Variants in BAZ1B observed in about 807,000 individuals in gnomAD.
BAZ1B encodes bromodomain adjacent to zinc finger domain 1B.
In BAZ1B, 22 loss-of-function variants were observed where a neutral mutation model predicts 153.8. The observed-to-expected ratio is 0.14, with a 90% confidence interval of 0.10 to 0.20. BAZ1B has a LOEUF of 0.20. Ranked by LOEUF, BAZ1B falls within the 10% of genes least tolerant of loss-of-function variation. The pLI is 1.00. For missense variants in BAZ1B, 1,325 were observed against 1,799.3 expected, an observed-to-expected ratio of 0.74 and a Z score of 4.77; for synonymous variants, 676 against 633.4, an observed-to-expected ratio of 1.07 and a Z score of -1.01.
intron 1 of BAZ1B, among the ~76,000 whole-genome samples, chr7:73,518,524 C>T (rs1401024903): frequency 1.3e-5 from 2 of 152,110 alleles, no homozygotes; most frequent in African/African-American, 4.8e-5. Flanking sequence ...AACTTAACTC[C>T]ATCTATAGCT....
intron 4 of BAZ1B, among the ~76,000 whole-genome samples, chr7:73,495,010 G>A (rs1393452172): frequency 1.3e-5 from 2 of 152,308 alleles, no homozygotes; most frequent in East Asian, 1.9e-4. Context: ...GGGGCCAGGC[G>A]TGGTGACTCA....
chr7:73,496,921 C>A (rs1789925784), intron 4 of BAZ1B, among the ~76,000 whole-genome samples: 1 of 151,856 alleles, frequency 6.6e-6, no homozygotes, highest in Non-Finnish European at 1.5e-5. Context: ...CCAGGCTGCA[C>A]TAAGCTGTCA....
chr7:73,507,028 G>A (rs1446791988), intron 3 of BAZ1B, among the ~76,000 whole-genome samples: 3 of 147,942 alleles, frequency 2.0e-5, no homozygotes, highest in Admixed American at 6.8e-5. Context: ...ACAGGCGCCC[G>A]CCACCACGGC....
At chr7:73,470,838 C>A (rs1788775745) in intron 7 of BAZ1B, among the ~76,000 whole-genome samples, 1 of 152,166 alleles carries the variant, frequency 6.6e-6, no homozygotes, top group Non-Finnish European at 1.5e-5. Flanking sequence ...TGGGTTCAAG[C>A]AATTCTCCCG....
rs782342757 is a variant in BAZ1B, at chr7:73,463,071, G to T, written c.3100C>A (p.Leu1034Ile). Residue 1034 changes from leucine (L) to isoleucine (I), a missense_variant, in exon 12 of 20, where the codon CTA becomes ATA. Around this residue, in one of 9 missense-constraint regions of BAZ1B, gnomAD observed 431 missense variants for 563.5 expected, o/e 0.76. Transcript: ENST00000339594. ...AGACCCAAATTTGGCTTCCGTGCTA[G>T]ATGAATAGAGTGAATAATGTCCTGG... ...RYQDIIHSIHLARKPNLGLKS... is the reference protein window; with the variant it reads ...RYQDIIHSIHIARKPNLGLKS... 1 of 1,613,822 alleles carries T rather than the reference G, an allele frequency of 6.2e-7. No individual in the cohort carries two copies. The highest frequency in any genetic ancestry group is 1.1e-5 in the South Asian group (1 of 91,052).
chr7:73,506,723 C>T (rs1454655330), intron 3 of BAZ1B, among the ~76,000 whole-genome samples: 2 of 147,592 alleles, frequency 1.4e-5, no homozygotes, highest in African/African-American at 5.0e-5. Context: ...TGGTGGCAGG[C>T]GCCTGTAGTC....
chr7:73,463,482 C>G (rs950833583), intron 11 of BAZ1B, among the ~76,000 whole-genome samples: 1 of 151,792 alleles, frequency 6.6e-6, no homozygotes, highest in Non-Finnish European at 1.5e-5. Flanking sequence ...TCAATTCAAG[C>G]GATCCTCTCC....
chr7:73,472,360 G>C (rs2116320945), intron 7 of BAZ1B, among the ~76,000 whole-genome samples: 1 of 152,138 alleles, frequency 6.6e-6, no homozygotes, highest in East Asian at 1.9e-4. Context: ...CCGGGTTCAA[G>C]TGATTCTCCT....
At chr7:73,515,149 C>T (rs1294658149) in intron 1 of BAZ1B, among the ~76,000 whole-genome samples, 5 of 152,164 alleles carry the variant, frequency 3.3e-5, no homozygotes, top group African/African-American at 1.2e-4. Flanking sequence ...ATATACAGTC[C>T]TCTATTATTC....
Position 73,478,088 on chromosome 7 carries a change from C to T in BAZ1B, c.1373G>A (p.Gly458Glu). Residue 458 changes from glycine to glutamate, a missense_variant, in exon 7 of 20, where the codon GGG (glycine) becomes GAG (glutamate). By Grantham distance (98) the Gly-to-Glu change is moderately conservative. Transcript: ENST00000339594. ...QKMTRAPRNS[G>E]GTPRTSSKPH... The stretch of plus-strand genomic sequence containing the variant: ...TTTACTAGAGGTCCTAGGTGTACCC[C>T]CAGAATTCCGTGGGGCTCGTGTCAT... 1 of 1,614,142 alleles carries T rather than the reference C, an allele frequency of 6.2e-7. No individual in the cohort carries two copies. The highest frequency in any genetic ancestry group is 8.5e-7 in the Non-Finnish European group (1 of 1,180,026).
chr7:73,471,449 T>C (rs767392177), intron 7 of BAZ1B, among the ~76,000 whole-genome samples: 1 of 152,234 alleles, frequency 6.6e-6, no homozygotes, highest in Non-Finnish European at 1.5e-5. Context: ...TTTTCCATAA[T>C]TGTCACAAAC....
intron 11 of BAZ1B, among the ~76,000 whole-genome samples, chr7:73,463,652 A>C (rs1394290858): frequency 6.6e-6 from 1 of 152,062 alleles, no homozygotes; most frequent in Non-Finnish European, 1.5e-5. Flanking sequence ...AAGAGAAGGA[A>C]CATCATAGAA....
At chr7:73,515,784 C>G (rs1339629295) in intron 1 of BAZ1B, among the ~76,000 whole-genome samples, 4 of 152,150 alleles carry the variant, frequency 2.6e-5, no homozygotes, top group Non-Finnish European at 5.9e-5. Flanking sequence ...TCAAGCAATT[C>G]ACCTGCCTCA....
In BAZ1B at chr7:73,498,374, T is replaced by C. The variant is rs1554576629; in HGVS notation, c.571+123A>G. The C allele has an allele frequency of 2.0e-5, 18 of 902,704 alleles. 1 individual carries two copies. Among genetic ancestry groups the C allele is most frequent in the Non-Finnish European group, 1.7e-6 (1 of 583,152 alleles). The allele number at this position is 902,704 out of a possible 1,614,324, so 55.9% of individuals were successfully genotyped here. Reference sequence around the variant, plus strand: ...TTTTAGTTGTTCTATGAATCATAAATGAACAAAATCATGTCTACATAAAAA... The same window carrying C: ...TTTTAGTTGTTCTATGAATCATAAACGAACAAAATCATGTCTACATAAAAA... On this transcript the variant is annotated intron_variant, in intron 4 of 19. Coordinates refer to ENST00000339594, the MANE Select transcript of BAZ1B (RefSeq NM_032408.4).
At chr7:73,491,678 C>T (rs1326068873) in intron 5 of BAZ1B, among the ~76,000 whole-genome samples, 1 of 152,126 alleles carries the variant, frequency 6.6e-6, no homozygotes, top group Non-Finnish European at 1.5e-5. Flanking sequence ...CACCAACAGT[C>T]AGAATGGAAT....
intron 9 of BAZ1B, 61 bp downstream of exon 9, chr7:73,469,456 C>T (rs1554571677): frequency 6.3e-7 from 1 of 1,592,556 alleles, no homozygotes; most frequent in African/African-American, 1.3e-5. Context: ...GAAAAGCAGT[C>T]CTTAATGTTG....
chr7:73,453,808 G>A (rs1178976), intron 13 of BAZ1B, among the ~76,000 whole-genome samples: 1,898 of 151,686 alleles, frequency 0.013, 42 homozygotes, highest in African/African-American at 0.044. Context: ...GTGAAACCTT[G>A]CCTCTACAGA....
chr7:73,521,432 A>T (rs188352649), intron 1 of BAZ1B, among the ~76,000 whole-genome samples: 2,286 of 152,310 alleles, frequency 0.015, 44 homozygotes, highest in African/African-American at 0.044. Context: ...TTAAATTTTT[A>T]AAAAATTTTT....
chr7:73,473,132 G>C (rs562222089), intron 7 of BAZ1B, among the ~76,000 whole-genome samples: 13 of 152,206 alleles, frequency 8.5e-5, no homozygotes, highest in African/African-American at 3.1e-4. Flanking sequence ...AGTAGAGACA[G>C]GGTTTCACCG....
Sources: allele counts gnomAD v4.1 joint callset (sites outside exome capture counted in the v4.1 genomes callset), GRCh38; gene constraint gnomAD v4.1.1; regional missense constraint gnomAD v4.1.1; transcripts MANE v1.5; gene names NCBI Gene and HGNC (gene_info 2026-07-23, HGNC 2026-07-21).